NMBR: variants seen among roughly 807,000 people sequenced by gnomAD.
NMBR encodes neuromedin-B receptor.
Under a neutral mutation model 20.5 loss-of-function variants are expected in NMBR, and 16 were observed. That is an observed-to-expected ratio of 0.78 (90% confidence interval 0.53 to 1.19). The LOEUF (loss-of-function observed/expected upper bound fraction) is 1.19, where lower values mean the gene tolerates loss of function less well. NMBR is among the 50% of genes most tolerant of loss of function. The pLI is 0.00. For missense variants in NMBR, 582 were observed against 499.1 expected, an observed-to-expected ratio of 1.17 and a Z score of -1.58; for synonymous variants, 212 against 196.6, an observed-to-expected ratio of 1.08 and a Z score of -0.65.
chr6:142,098,300 C>A (rs764177705), intron 1 of NMBR, among the ~76,000 whole-genome samples: 2 of 152,056 alleles, frequency 1.3e-5, no homozygotes, highest in African/African-American at 4.8e-5. Context: ...CTCACCATTC[C>A]TTTTCAATTT....
intron 1 of NMBR, among the ~76,000 whole-genome samples, chr6:142,099,606 G>A (rs983420145): frequency 6.6e-6 from 1 of 151,920 alleles, no homozygotes; most frequent in South Asian, 2.1e-4. Context: ...ATTTTGCTGG[G>A]GACACAGAGA....
rs2114549060 is a variant in NMBR at position 142,075,334 on chromosome 6, AT to A, written c.*313del. Among the ~76,000 whole-genome samples the A allele has an allele frequency of 6.6e-6, 1 of 152,244 alleles. No individual in the cohort carries two copies. The highest frequency in any genetic ancestry group is 1.9e-4 in the East Asian group (1 of 5,178). ...ACTAAAGCAATGTTAAATTATACAT[AT>A]TGCATTGGTTTGGGGATCATCTTAA... is the stretch of plus-strand genomic sequence containing the variant. On this transcript the variant is annotated 3_prime_UTR_variant, in exon 4 of 4. Coordinates refer to ENST00000258042, the MANE Select transcript of NMBR (RefSeq NM_002511.4).
chr6:142,078,736 G>A lies in NMBR; in HGVS notation c.590C>T (p.Ala197Val), dbSNP rs140322909. The change falls in exon 3 of 4, where the codon GCA becomes GTA. Residue 197 changes from alanine to valine, a missense_variant. By Grantham distance (64) the Ala-to-Val change is moderately conservative (BLOSUM62 0). Transcript: ENST00000258042. ...ATCTGTTTGAGGGTATGGGATACATGCTGTGAAGCTGCTATTATCCAAGCT... is the reference window on the plus strand; with the variant it reads ...ATCTGTTTGAGGGTATGGGATACATACTGTGAAGCTGCTATTATCCAAGCT... ...ISSLDNSSFT[A>V]CIPYPQTDEL... The A allele has an allele frequency of 7.9e-5, 127 of 1,614,038 alleles. No individual in the cohort carries two copies. In the Middle Eastern group the frequency reaches 8.2e-4, roughly 10 times the overall value.
chr6:142,085,075 C>G (rs1338423866), intron 2 of NMBR, among the ~76,000 whole-genome samples: 1 of 152,186 alleles, frequency 6.6e-6, no homozygotes, highest in Non-Finnish European at 1.5e-5. Flanking sequence ...GAGACTACCA[C>G]TATCACCACT....
chr6:142,111,537 T>C (rs1562241829), intron 1 of NMBR, among the ~76,000 whole-genome samples: 1 of 152,248 alleles, frequency 6.6e-6, no homozygotes, highest in Non-Finnish European at 1.5e-5. Flanking sequence ...TATTTGTCTC[T>C]TAACCTTAGT....
intron 1 of NMBR, among the ~76,000 whole-genome samples, chr6:142,111,274 A>G (rs947789284): frequency 6.6e-6 from 1 of 151,946 alleles, no homozygotes; most frequent in African/African-American, 2.4e-5. Flanking sequence ...TGTCTTACAC[A>G]CTGAAATCAC....
rs1356453015 is a variant in NMBR at position 142,088,641 on chromosome 6, AAG to A, written c.16_17del (p.Leu6PhefsTer11). On this transcript the variant is annotated frameshift_variant, in exon 2 of 4. Transcript: ENST00000258042. LOFTEE classifies it high-confidence loss of function. MPSKSLSNLSVTTGAN... is the reference protein window; with the variant it reads MPSKSXSNLSVTTGAN... ...CGCCGGTGGTCACCGAGAGGTTGGA[AAG>A]AGACTTAGAGGGCATGATCTCCTTT... The A allele has an allele frequency of 3.1e-6, 5 of 1,603,172 alleles. No homozygotes were observed. Among genetic ancestry groups the A allele is most frequent in the Non-Finnish European group, 4.2e-6 (5 of 1,179,576 alleles).
intron 1 of NMBR, among the ~76,000 whole-genome samples, chr6:142,101,525 G>C (rs1777564734): frequency 6.6e-6 from 1 of 152,136 alleles, no homozygotes; most frequent in Admixed American, 6.5e-5. Flanking sequence ...TAGGGGTTAG[G>C]TTACAGGGTA....
At chr6:142,134,076 C>A (rs772003356) in intron 1 of NMBR, 2 of 568,562 alleles carry the variant, frequency 3.5e-6, no homozygotes, top group South Asian at 2.4e-5. Context: ...CTACAACAAA[C>A]TCATTTTCTC....
intron 1 of NMBR, among the ~76,000 whole-genome samples, chr6:142,090,885 T>C (rs1209446000): frequency 1.3e-5 from 2 of 152,006 alleles, no homozygotes; most frequent in Admixed American, 6.5e-5. Context: ...CCTCCTTGTG[T>C]CTGTGTGTTC....
chr6:142,092,215 G>A (rs1324552221), intron 1 of NMBR, among the ~76,000 whole-genome samples: 2 of 151,836 alleles, frequency 1.3e-5, no homozygotes, highest in Non-Finnish European at 2.9e-5. Context: ...AATGGAACTG[G>A]CGAAAGAACA....
chr6:142,131,727 C>T (rs1380560002), intron 1 of NMBR, among the ~76,000 whole-genome samples: 1 of 152,098 alleles, frequency 6.6e-6, no homozygotes, highest in Non-Finnish European at 1.5e-5. Context: ...CATTATTTGG[C>T]CCTCATAGAT....
rs1306458364 is a variant in NMBR, at chr6:142,074,616, G to C, written c.*1032C>G. On this transcript the variant is annotated 3_prime_UTR_variant, in exon 4 of 4. Transcript: ENST00000258042. Reference sequence around the variant, plus strand: ...AAAACTGTGGTATCATGCAGGAAAAGCAGAAAAAAATTGCCTAAGTGTGAT... The same window carrying C: ...AAAACTGTGGTATCATGCAGGAAAACCAGAAAAAAATTGCCTAAGTGTGAT... Among the ~76,000 whole-genome samples, 10 of 152,088 alleles carry C rather than the reference G, an allele frequency of 6.6e-5. No individual in the cohort carries two copies. Among genetic ancestry groups the C allele is most frequent in the Admixed American group, 5.9e-4 (9 of 15,264 alleles).
At chr6:142,124,146 A>G (rs1053143560) in intron 1 of NMBR, among the ~76,000 whole-genome samples, 5 of 151,968 alleles carry the variant, frequency 3.3e-5, no homozygotes, top group African/African-American at 9.7e-5. Context: ...TTTTCCCAAA[A>G]TTTATTGAAA....
At position 142,077,043 on chromosome 6, in the gene NMBR, G is replaced by A. The variant is rs1582832642; in HGVS notation, c.772-994C>T. Reference sequence around the variant, plus strand: ...GGAAGCAGAATGTGATGTTCCACATGGATCCCAGTGGCATAAGTTAGGCAA... The same window carrying A: ...GGAAGCAGAATGTGATGTTCCACATAGATCCCAGTGGCATAAGTTAGGCAA... On this transcript the variant is annotated intron_variant, in intron 3 of 3. Coordinates refer to ENST00000258042, the MANE Select transcript of NMBR (RefSeq NM_002511.4). Among the ~76,000 whole-genome samples, 3 of 152,304 alleles carry A rather than the reference G, an allele frequency of 2.0e-5. No homozygotes were observed. The South Asian group carries it at 6.2e-4, about 32-fold the overall frequency.
chr6:142,122,782 A>G (rs758415625), intron 1 of NMBR, among the ~76,000 whole-genome samples: 24 of 152,070 alleles, frequency 1.6e-4, no homozygotes, highest in Non-Finnish European at 2.5e-4. Flanking sequence ...ATCTGTTTAC[A>G]GTATAGTTTA....
At chr6:142,099,118 G>T (rs1777512553) in intron 1 of NMBR, among the ~76,000 whole-genome samples, 1 of 152,068 alleles carries the variant, frequency 6.6e-6, no homozygotes, top group African/African-American at 2.4e-5. Context: ...CGAAAGAAAT[G>T]AACCTAGACA....
chr6:142,136,616 T>C (rs921208864), intron 1 of NMBR, among the ~76,000 whole-genome samples: 21 of 152,238 alleles, frequency 1.4e-4, no homozygotes, highest in African/African-American at 4.3e-4. Flanking sequence ...TTCTAGGGTT[T>C]TTATGGTTTT....
Position 142,075,377 on chromosome 6 carries a change from ATGTACATGTG to A in NMBR, c.*261_*270del, listed in dbSNP as rs1023760012. Among the ~76,000 whole-genome samples the A allele has an allele frequency of 4.6e-5, 7 of 152,110 alleles. No individual in the cohort carries two copies. Among genetic ancestry groups the A allele is most frequent in the African/African-American group, 1.7e-4 (7 of 41,410 alleles). On this transcript the variant is annotated 3_prime_UTR_variant, in exon 4 of 4. Coordinates refer to ENST00000258042, the MANE Select transcript of NMBR (RefSeq NM_002511.4). ...TCATCTTAAATGTGAAATATATATA[ATGTACATGTG>A]TGTACATGTGTGTGTGCAAATACAT...
Sources: allele counts gnomAD v4.1 joint callset (sites outside exome capture counted in the v4.1 genomes callset), GRCh38; gene constraint gnomAD v4.1.1; transcripts MANE v1.5; gene names NCBI Gene and HGNC (gene_info 2026-07-23, HGNC 2026-07-21).